Variants in PBX3 observed in about 807,000 individuals in gnomAD.
PBX3 encodes PBX homeobox 3.
In PBX3, 14 loss-of-function variants were observed where a neutral mutation model predicts 48.5. That is an observed-to-expected ratio of 0.29 (90% CI 0.19 to 0.45). The LOEUF is 0.45. Ranked by LOEUF, PBX3 falls within the 20% of genes least tolerant of loss-of-function variation. PBX3 has a pLI of 1.00. For missense variants in PBX3, 386 were observed against 546.7 expected (o/e 0.71, Z 2.93); for synonymous variants, 210 against 200.3 (o/e 1.05, Z -0.41).
intron 2 of PBX3, among the ~76,000 whole-genome samples, chr9:125,777,362 C>CT (rs58828825): frequency 0.04 from 5,659 of 140,062 alleles, 381 homozygotes; most frequent in African/African-American, 0.14. Flanking sequence ...TCTTCTTCTT[C>CT]TTTTTTTTTT....
intron 2 of PBX3, among the ~76,000 whole-genome samples, chr9:125,823,066 A>T (rs991169571): frequency 1.3e-5 from 2 of 150,872 alleles, no homozygotes; most frequent in Admixed American, 1.3e-4. Flanking sequence ...ATGTTTGCCT[A>T]TTTAGCAAGT....
chr9:125,780,922 G>C (rs1837273392), intron 2 of PBX3, among the ~76,000 whole-genome samples: 1 of 141,106 alleles, frequency 7.1e-6, no homozygotes, highest in Non-Finnish European at 1.5e-5. Context: ...TCTCAGAGGG[G>C]GCAGCTGGGC....
At chr9:125,807,345 A>AAG (rs1554857963) in intron 2 of PBX3, among the ~76,000 whole-genome samples, 2 of 135,526 alleles carry the variant, frequency 1.5e-5, no homozygotes, top group African/African-American at 6.5e-5. Context: ...AAGAAAAAAA[A>AAG]AAAGAAAATA....
At chr9:125,946,890 T>C (rs1198759362) in intron 5 of PBX3, among the ~76,000 whole-genome samples, 1 of 151,902 alleles carries the variant, frequency 6.6e-6, no homozygotes, top group Non-Finnish European at 1.5e-5. Flanking sequence ...ACAGAATAAA[T>C]AAATAGGAAT....
Position 125,787,536 on chromosome 9 carries a change from C to T in PBX3, c.274+38913C>T, listed in dbSNP as rs375521043. On this transcript the variant is annotated intron_variant, in intron 2 of 8. Transcript: ENST00000373489. ...TCATGACCACTTGTCATTTCTCTAG[C>T]AGGTTAACATCGACTACAACTTGAG... Among the ~76,000 whole-genome samples, 4 of 152,106 alleles carry T rather than the reference C, an allele frequency of 2.6e-5. No individual in the cohort carries two copies. The East Asian group carries it at 7.7e-4, about 29-fold the overall frequency.
chr9:125,945,794 C>G (rs1842053062), intron 5 of PBX3, among the ~76,000 whole-genome samples: 1 of 152,120 alleles, frequency 6.6e-6, no homozygotes, highest in South Asian at 2.1e-4. Flanking sequence ...GGGAAATGTT[C>G]AGTTTGGAAA....
intron 1 of PBX3, chr9:125,748,124 T>C (rs952072915): frequency 2.2e-5 from 12 of 546,284 alleles, no homozygotes; most frequent in Non-Finnish European, 2.8e-5. Flanking sequence ...GACGGCCAAG[T>C]TCTCGGAGAG....
chr9:125,828,894 G>C (rs529902577), intron 2 of PBX3, among the ~76,000 whole-genome samples: 1 of 152,160 alleles, frequency 6.6e-6, no homozygotes, highest in South Asian at 2.1e-4. Context: ...CTTTGTTCTA[G>C]GATAAACAGA....
At chr9:125,829,346 G>A (rs1448925415) in intron 2 of PBX3, among the ~76,000 whole-genome samples, 1 of 152,004 alleles carries the variant, frequency 6.6e-6, no homozygotes, top group Non-Finnish European at 1.5e-5. Context: ...AAATGCAACC[G>A]AGGTACATTT....
At chr9:125,910,158 A>G (rs946924481) in intron 2 of PBX3, among the ~76,000 whole-genome samples, 2 of 152,208 alleles carry the variant, frequency 1.3e-5, no homozygotes, top group African/African-American at 4.8e-5. Flanking sequence ...GCAGTTTCAC[A>G]GCATGTAAAC....
intron 2 of PBX3, among the ~76,000 whole-genome samples, chr9:125,902,845 A>C (rs994554240): frequency 8.6e-5 from 13 of 151,806 alleles, no homozygotes; most frequent in Admixed American, 4.0e-4. Context: ...GTCAACTTGA[A>C]CTAGACCAAG....
At chr9:125,917,569 G>A (rs1009605734) in intron 3 of PBX3, among the ~76,000 whole-genome samples, 5 of 151,742 alleles carry the variant, frequency 3.3e-5, no homozygotes, top group African/African-American at 9.7e-5. Flanking sequence ...ACTGATCCCT[G>A]GCAACCCCTG....
chr9:125,898,451 A>G (rs1840826454), intron 2 of PBX3, among the ~76,000 whole-genome samples: 1 of 149,310 alleles, frequency 6.7e-6, no homozygotes, highest in Non-Finnish European at 1.5e-5. Flanking sequence ...CATCTTCTGA[A>G]AAAAAAAAAT....
intron 2 of PBX3, among the ~76,000 whole-genome samples, chr9:125,826,506 GAT>G (rs1838812045): frequency 1.3e-5 from 2 of 151,998 alleles, no homozygotes; most frequent in Non-Finnish European, 1.5e-5. Context: ...GAATACATAA[GAT>G]ATATTTCATA....
At chr9:125,798,291 A>G (rs1250988964) in intron 2 of PBX3, among the ~76,000 whole-genome samples, 5 of 152,124 alleles carry the variant, frequency 3.3e-5, no homozygotes, top group Admixed American at 2.6e-4. Flanking sequence ...ATGGAGTTTC[A>G]AAAGATTGTT....
At chr9:125,849,771 A>G (rs1256307988) in intron 2 of PBX3, among the ~76,000 whole-genome samples, 1 of 151,996 alleles carries the variant, frequency 6.6e-6, no homozygotes, top group Non-Finnish European at 1.5e-5. Flanking sequence ...CATAGAAGTT[A>G]TTTCAATCAT....
At chr9:125,937,850 A>G (rs1469806104) in intron 5 of PBX3, among the ~76,000 whole-genome samples, 1 of 152,114 alleles carries the variant, frequency 6.6e-6, no homozygotes, top group African/African-American at 2.4e-5. Context: ...TTGTACAGAC[A>G]GGGATTCACC....
intron 2 of PBX3, among the ~76,000 whole-genome samples, chr9:125,871,412 G>A (rs966608128): frequency 2.6e-5 from 4 of 151,698 alleles, no homozygotes; most frequent in African/African-American, 7.3e-5. Context: ...AAAAACCCAG[G>A]TGTTCATGAA....
chr9:125,875,005 C>T (rs1357893991), intron 2 of PBX3, among the ~76,000 whole-genome samples: 2 of 152,136 alleles, frequency 1.3e-5, no homozygotes, highest in Non-Finnish European at 2.9e-5. Flanking sequence ...ACTGCACAGT[C>T]ATGAAGTAAT....
Sources: gnomAD v4.1 joint callset for allele counts (sites outside exome capture counted in the v4.1 genomes callset) on GRCh38, gnomAD v4.1.1 for gene constraint, MANE v1.5 for transcripts, NCBI Gene and HGNC (gene_info 2026-07-23, HGNC 2026-07-21) for gene names.